Variants in NUP210 observed in about 807,000 individuals in gnomAD.
The protein encoded by NUP210 is nucleoporin 210.
NUP210 carries 151 observed loss-of-function variants against 196.0 expected under a neutral mutation model. The ratio of observed to expected loss-of-function variants is 0.77; its 90% CI spans 0.67 to 0.88. The LOEUF is 0.88. Among genes scored for constraint, NUP210 ranks in the 40% least tolerant of loss-of-function variants. The pLI, the probability that NUP210 is intolerant of heterozygous loss-of-function variation, is 0.00. For missense variants in NUP210, 2,314 were observed against 2,493.7 expected, an observed-to-expected ratio of 0.93 and a Z score of 1.53; for synonymous variants, 1,070 against 1,052.7, an observed-to-expected ratio of 1.02 and a Z score of -0.32.
intron 28 of NUP210, among the ~76,000 whole-genome samples, chr3:13,333,961 G>A (rs1208383381): frequency 2.0e-5 from 3 of 152,160 alleles, no homozygotes; most frequent in African/African-American, 2.4e-5. Context: ...AGGGAGTGGC[G>A]GGGCCTGTGG....
intron 13 of NUP210, among the ~76,000 whole-genome samples, chr3:13,368,723 C>G (rs1335840191): frequency 6.6e-5 from 10 of 152,208 alleles, no homozygotes; most frequent in Admixed American, 6.5e-4. Flanking sequence ...AGCATGATGT[C>G]TTCAAGGTTC....
chr3:13,333,540 T>G (rs190541761), intron 28 of NUP210, among the ~76,000 whole-genome samples: 2 of 152,356 alleles, frequency 1.3e-5, no homozygotes, highest in East Asian at 3.9e-4. Flanking sequence ...GATTTCCTTG[T>G]GTGTAACATG....
chr3:13,411,588 G>C (rs987684752), intron 1 of NUP210, among the ~76,000 whole-genome samples: 13 of 151,878 alleles, frequency 8.6e-5, no homozygotes, highest in Non-Finnish European at 2.9e-5. Flanking sequence ...TGCAACACTG[G>C]AAGCCCCTGC....
chr3:13,419,891 G>C (rs1435567371), intron 1 of NUP210, among the ~76,000 whole-genome samples, 169 bp downstream of exon 1: 1 of 151,146 alleles, frequency 6.6e-6, no homozygotes, highest in Admixed American at 6.6e-5. Flanking sequence ...GACATGAGCA[G>C]TGGTGGCGAC....
intron 11 of NUP210, 104 bp from the exon 12 acceptor site, chr3:13,373,977 T>C: frequency 7.7e-7 from 1 of 1,306,136 alleles, no homozygotes; most frequent in Non-Finnish European, 1.1e-6. Context: ...CTCACACTCA[T>C]ACACATTTAT....
At chr3:13,400,353 C>G (rs367814149) in intron 1 of NUP210, among the ~76,000 whole-genome samples, 14 of 152,164 alleles carry the variant, frequency 9.2e-5, no homozygotes. Flanking sequence ...GGATCACTAC[C>G]TGTAATGATA....
intron 25 of NUP210, among the ~76,000 whole-genome samples, 191 bp downstream of exon 25, chr3:13,339,663 A>C (rs1034393138): frequency 1.3e-5 from 2 of 152,206 alleles, no homozygotes; most frequent in South Asian, 2.1e-4. Flanking sequence ...GGAGAAGAAC[A>C]ACCAATGGGG....
In NUP210 at chr3:13,336,964, G is replaced by A. The variant is rs200685357; in HGVS notation, c.3553-46C>T. Reference sequence around the variant, plus strand: ...CCAGTGAGCAGTAGCTCCCAGCACTGGGAATGCCCCCAGAAGCTTTGCTGC... The same window carrying A: ...CCAGTGAGCAGTAGCTCCCAGCACTAGGAATGCCCCCAGAAGCTTTGCTGC... On this transcript the variant is annotated intron_variant, in intron 26 of 39. Transcript: ENST00000254508. 1.1e-5 allele frequency: 18 copies of A among 1,608,986 alleles called. No homozygotes were observed. The African/African-American group carries it at 2.3e-4, about 20-fold the overall frequency.
intron 3 of NUP210, among the ~76,000 whole-genome samples, chr3:13,393,028 A>G (rs1699541297): frequency 6.6e-6 from 1 of 152,224 alleles, no homozygotes; most frequent in Non-Finnish European, 1.5e-5. Flanking sequence ...AAGACTGCAG[A>G]CCACTAGGCA....
chr3:13,374,196 ATACACC>A (rs1163350472), intron 11 of NUP210, among the ~76,000 whole-genome samples: 1 of 151,994 alleles, frequency 6.6e-6, no homozygotes, highest in Non-Finnish European at 1.5e-5. Flanking sequence ...GTGCACACTC[ATACACC>A]TACTCATTCG....
At chr3:13,404,849 C>A (rs1699954573) in intron 1 of NUP210, among the ~76,000 whole-genome samples, 1 of 152,110 alleles carries the variant, frequency 6.6e-6, no homozygotes, top group Non-Finnish European at 1.5e-5. Flanking sequence ...TTTCTGTTTC[C>A]AGGATCTGGG....
intron 15 of NUP210, among the ~76,000 whole-genome samples, 183 bp from the exon 16 acceptor site, chr3:13,358,578 T>C (rs1402739148): frequency 6.6e-6 from 1 of 152,056 alleles, no homozygotes; most frequent in Non-Finnish European, 1.5e-5. Flanking sequence ...GGAATGCACT[T>C]TCTCAACACC....
chr3:13,322,463 G>T, intron 34 of NUP210, 124 bp from the exon 35 acceptor site: 2 of 1,057,696 alleles, frequency 1.9e-6, no homozygotes, highest in Non-Finnish European at 2.8e-6. Context: ...TTCCAGCAGG[G>T]CCCCAGGGCG....
In NUP210 at chr3:13,379,364, G is replaced by A. The variant is rs961092099; in HGVS notation, c.976+199C>T. Among the ~76,000 whole-genome samples the A allele has an allele frequency of 3.3e-5, 5 of 152,086 alleles. No homozygotes were observed. The highest frequency in any genetic ancestry group is 5.9e-5 in the Non-Finnish European group (4 of 68,016). ...TCAGCTCCTGCCATCACCTCCCACC[G>A]CTGGGAGCCTCTGGGGTGAGTCACC... On this transcript the variant is annotated intron_variant, in intron 7 of 39. Transcript: ENST00000254508. This position sits in a 1 kb window ranked among gnomAD's most constrained non-coding sequence, Gnocchi z 4.2.
intron 1 of NUP210, among the ~76,000 whole-genome samples, chr3:13,418,973 AG>A (rs57271233): frequency 0.16 from 16,939 of 103,730 alleles, 1,686 homozygotes; most frequent in Non-Finnish European, 0.22. Context: ...AAAAAAAAAA[AG>A]AAAGAAAGAA....
At chr3:13,398,347 G>A (rs747405132) in intron 2 of NUP210, among the ~76,000 whole-genome samples, 17 of 152,096 alleles carry the variant, frequency 1.1e-4, no homozygotes, top group Non-Finnish European at 2.2e-4. Flanking sequence ...GGAGGCTGAG[G>A]CAGAAGAATT....
chr3:13,380,775 C>T (rs1225789297), intron 6 of NUP210, among the ~76,000 whole-genome samples: 1 of 152,206 alleles, frequency 6.6e-6, no homozygotes, highest in Non-Finnish European at 1.5e-5. Flanking sequence ...GGAATTCCAG[C>T]TAAAGCATGT....
At chr3:13,380,050 T>C (rs1051322673) in intron 6 of NUP210, among the ~76,000 whole-genome samples, 6 of 152,180 alleles carry the variant, frequency 3.9e-5, no homozygotes, top group African/African-American at 1.4e-4. Context: ...TCTTTGCTTC[T>C]ACGTAGAGGG....
intron 3 of NUP210, among the ~76,000 whole-genome samples, chr3:13,396,490 G>C (rs1699658675): frequency 6.6e-6 from 1 of 151,392 alleles, no homozygotes; most frequent in Non-Finnish European, 1.5e-5. Context: ...GCTCATGTGT[G>C]TAATCCCAGC....
Sources: allele counts gnomAD v4.1 joint callset (sites outside exome capture counted in the v4.1 genomes callset), GRCh38; gene constraint gnomAD v4.1.1; non-coding constraint Gnocchi (gnomAD v3.1); transcripts MANE v1.5; gene names NCBI Gene and HGNC (gene_info 2026-07-23, HGNC 2026-07-21).